LRP12: variants seen among roughly 807,000 people sequenced by gnomAD.
LRP12 encodes low-density lipoprotein receptor-related protein 12.
LRP12 carries 14 observed loss-of-function variants against 66.0 expected under a neutral mutation model. That is an observed-to-expected ratio of 0.21 (90% CI 0.14 to 0.33). The LOEUF (loss-of-function observed/expected upper bound fraction) is 0.33, where lower values mean the gene tolerates loss of function less well. Ranked by LOEUF, LRP12 falls within the 10% of genes least tolerant of loss-of-function variation. The pLI, the probability that LRP12 is intolerant of heterozygous loss-of-function variation, is 1.00. For missense variants in LRP12, 889 were observed against 1,053.4 expected, an observed-to-expected ratio of 0.84 and a Z score of 2.16; for synonymous variants, 357 against 359.1, an observed-to-expected ratio of 0.99 and a Z score of 0.07.
At chr8:104,536,797 T>C (rs1296195977) in intron 1 of LRP12, among the ~76,000 whole-genome samples, 1 of 151,940 alleles carries the variant, frequency 6.6e-6, no homozygotes, top group Non-Finnish European at 1.5e-5. Flanking sequence ...TATATCTACT[T>C]GGAAAACCCA....
intron 1 of LRP12, among the ~76,000 whole-genome samples, chr8:104,537,880 T>C (rs1811412588): frequency 6.6e-6 from 1 of 152,166 alleles, no homozygotes; most frequent in Non-Finnish European, 1.5e-5. Flanking sequence ...AACAATAATC[T>C]ATAGTGACAG....
Position 104,490,474 on chromosome 8 carries a change from T to C in LRP12, c.*199A>G, listed in dbSNP as rs1167444799. 1 of 562,920 alleles carries C rather than the reference T, an allele frequency of 1.8e-6. No individual in the cohort carries two copies. Among genetic ancestry groups the C allele is most frequent in the African/African-American group, 1.9e-5 (1 of 52,616 alleles). The allele number at this position is 562,920 out of a possible 1,614,324, so 34.9% of individuals were successfully genotyped here. On this transcript the variant is annotated 3_prime_UTR_variant, in exon 7 of 7. Transcript: ENST00000276654. Reference sequence around the variant, plus strand: ...TTGAACAATATGAATATGTGATGCATTTTTAGCTGCTAAAATAGTAAACTC... The same window carrying C: ...TTGAACAATATGAATATGTGATGCACTTTTAGCTGCTAAAATAGTAAACTC...
chr8:104,558,253 C>T (rs1395620533), intron 1 of LRP12, among the ~76,000 whole-genome samples: 1 of 151,454 alleles, frequency 6.6e-6, no homozygotes, highest in Non-Finnish European at 1.5e-5. Context: ...AACAAAAAGG[C>T]ACGTAGACCA....
chr8:104,521,073 T>C (rs1811141481), intron 2 of LRP12, among the ~76,000 whole-genome samples: 1 of 152,062 alleles, frequency 6.6e-6, no homozygotes, highest in Non-Finnish European at 1.5e-5. Context: ...TATTGTTTAT[T>C]ATAACATACA....
At chr8:104,583,069 TC>T (rs1812279446) in intron 1 of LRP12, among the ~76,000 whole-genome samples, 1 of 152,114 alleles carries the variant, frequency 6.6e-6, no homozygotes, top group African/African-American at 2.4e-5. Flanking sequence ...ACTACCTTGG[TC>T]CAAGCTCCTG....
chr8:104,552,064 G>A (rs1452344168), intron 1 of LRP12, among the ~76,000 whole-genome samples: 1 of 152,228 alleles, frequency 6.6e-6, no homozygotes, highest in African/African-American at 2.4e-5. Context: ...TTCCACGAGT[G>A]AACGAAGTCA....
chr8:104,548,158 A>AT (rs1564141782), intron 1 of LRP12, among the ~76,000 whole-genome samples: 11 of 68,800 alleles, frequency 1.6e-4, no homozygotes, highest in African/African-American at 7.9e-4. Flanking sequence ...ATATATTAAT[A>AT]ATTATTATAT....
intron 1 of LRP12, among the ~76,000 whole-genome samples, chr8:104,555,979 A>C (rs2140883828): frequency 6.6e-6 from 1 of 152,354 alleles, no homozygotes; most frequent in South Asian, 2.1e-4. Flanking sequence ...CTACAGTGGA[A>C]TAAAATTGGA....
At chr8:104,587,841 G>A (rs1469054746) in intron 1 of LRP12, among the ~76,000 whole-genome samples, 1 of 152,140 alleles carries the variant, frequency 6.6e-6, no homozygotes, top group African/African-American at 2.4e-5. Flanking sequence ...TTTTTCTGGA[G>A]AAATCAGAGC....
intron 1 of LRP12, chr8:104,566,564 T>G (rs1008186487): frequency 2.0e-5 from 3 of 152,886 alleles, no homozygotes; most frequent in African/African-American, 7.2e-5. Context: ...TTTTAAAAAT[T>G]AGTGATTATG....
At position 104,499,410 on chromosome 8, in the gene LRP12, G is replaced by A; in HGVS notation, c.382C>T (p.Pro128Ser). The change falls in exon 4 of 7, where the codon CCT becomes TCT. Residue 128 changes from proline to serine, a missense_variant. Physicochemically the swap from Pro to Ser is moderately conservative, Grantham distance 74. This residue lies in a region of LRP12 where 800 missense variants were observed against 964.5 expected (regional missense o/e 0.83). Transcript: ENST00000276654. The stretch of plus-strand genomic sequence containing the variant: ...TGGTCTTGTGAAGAGATATACGGAG[G>A]TGGAATTGTGGAACCACAAGCTCTG... ...SYRACGSTIP[P>S]PYISSQDHIW... 6.2e-7 allele frequency: 1 copy of A among 1,613,390 alleles called. No homozygotes were observed. Among genetic ancestry groups the A allele is most frequent in the African/African-American group, 1.3e-5 (1 of 75,006 alleles).
Position 104,589,013 on chromosome 8 carries a change from T to C in LRP12, c.-116A>G, listed in dbSNP as rs1343955016. On this transcript the variant is annotated 5_prime_UTR_variant, in exon 1 of 7. Transcript: ENST00000276654. ...CCGCCGCCGCCGAGCCACCGGCTGCTCCCTGCGCTCTCCGCGGCTGCGGGA... is the reference window on the plus strand; with the variant it reads ...CCGCCGCCGCCGAGCCACCGGCTGCCCCCTGCGCTCTCCGCGGCTGCGGGA... The C allele has an allele frequency of 3.9e-5, 20 of 513,174 alleles. No individual in the cohort carries two copies. Among genetic ancestry groups the C allele is most frequent in the Non-Finnish European group, 5.9e-5 (19 of 324,086 alleles). The allele number at this position is 513,174 out of a possible 1,614,324, so 31.8% of individuals were successfully genotyped here. A position where few individuals can be genotyped will look rare whatever the true frequency, so the allele number is the denominator to read the frequency against.
intron 1 of LRP12, among the ~76,000 whole-genome samples, chr8:104,547,651 A>G (rs1363357003): frequency 8.1e-6 from 1 of 123,458 alleles, no homozygotes; most frequent in Non-Finnish European, 1.6e-5. Flanking sequence ...TTAATAATTA[A>G]AATATAATAT....
intron 1 of LRP12, among the ~76,000 whole-genome samples, chr8:104,560,692 A>T (rs1811893228): frequency 6.6e-6 from 1 of 152,202 alleles, no homozygotes; most frequent in African/African-American, 2.4e-5. Flanking sequence ...AGCTATCTAT[A>T]ATGCTACTAC....
chr8:104,526,216 T>C (rs1035933728), intron 2 of LRP12, among the ~76,000 whole-genome samples: 2 of 151,856 alleles, frequency 1.3e-5, no homozygotes, highest in African/African-American at 4.8e-5. Context: ...TCCATGCTCA[T>C]GGGTAGGAAG....
chr8:104,537,646 C>T (rs1811409373), intron 1 of LRP12, among the ~76,000 whole-genome samples: 1 of 152,062 alleles, frequency 6.6e-6, no homozygotes, highest in African/African-American at 2.4e-5. Flanking sequence ...CTAGAACTCT[C>T]AAAAATTGCC....
intron 1 of LRP12, among the ~76,000 whole-genome samples, chr8:104,552,396 G>A (rs1405510263): frequency 1.3e-4 from 20 of 149,674 alleles, no homozygotes; most frequent in African/African-American, 3.2e-4. Flanking sequence ...TTTGCCGGGC[G>A]TGGTGGTTCA....
intron 1 of LRP12, among the ~76,000 whole-genome samples, chr8:104,564,353 C>T (rs571883716): frequency 1.3e-5 from 2 of 152,264 alleles, no homozygotes; most frequent in Non-Finnish European, 2.9e-5. Flanking sequence ...AGCTACCAGA[C>T]AGGACCAATG....
At chr8:104,566,697 C>T (rs1812009446) in intron 1 of LRP12, among the ~76,000 whole-genome samples, 1 of 152,112 alleles carries the variant, frequency 6.6e-6, no homozygotes, top group Admixed American at 6.5e-5. Context: ...ATTCCTACAG[C>T]TCTTTAATGC....
Sources: gnomAD v4.1 joint callset for allele counts (sites outside exome capture counted in the v4.1 genomes callset) on GRCh38, gnomAD v4.1.1 for gene constraint, gnomAD v4.1.1 regional missense constraint, MANE v1.5 for transcripts, NCBI Gene and HGNC (gene_info 2026-07-23, HGNC 2026-07-21) for gene names.